Variants in SV2C observed in about 807,000 individuals in gnomAD.
The protein encoded by SV2C is solute carrier family 22 member B3.
In SV2C, 49 loss-of-function variants were observed where a neutral mutation model predicts 79.7. The ratio of observed to expected loss-of-function variants is 0.61; its 90% CI spans 0.49 to 0.78. The LOEUF (loss-of-function observed/expected upper bound fraction) is 0.78. SV2C is among the 30% of genes least tolerant of loss of function. The pLI is 0.00. For missense variants in SV2C, 833 were observed against 912.9 expected, an observed-to-expected ratio of 0.91 and a Z score of 1.13; for synonymous variants, 334 against 333.2, an observed-to-expected ratio of 1.00 and a Z score of -0.03.
the SV2C span, among the ~76,000 whole-genome samples, chr5:75,943,732 CTT>C: frequency 6.6e-6 from 1 of 152,268 alleles, no homozygotes; most frequent in East Asian, 1.9e-4. Flanking sequence ...TCTAGACAGT[CTT>C]TTCCCTCTCT....
At chr5:76,338,809 C>T (rs754729545), downstream of SV2C, among the ~76,000 whole-genome samples, 3 of 152,030 alleles carry the variant, frequency 2.0e-5, no homozygotes, top group Non-Finnish European at 2.9e-5. Context: ...AGGCACCTGC[C>T]ATTATGCTTG....
At chr5:76,182,544 A>G (rs903931448) in intron 2 of SV2C, among the ~76,000 whole-genome samples, 1 of 152,172 alleles carries the variant, frequency 6.6e-6, no homozygotes, top group Non-Finnish European at 1.5e-5. Context: ...TTCCAGGGTC[A>G]GTACTAGAAT....
the SV2C span, among the ~76,000 whole-genome samples, chr5:76,073,503 GTATATA>G: frequency 0.06 from 4,022 of 67,354 alleles, 110 homozygotes; most frequent in African/African-American, 0.079. Context: ...GTATGTGTGT[GTATATA>G]TATATATATA....
At chr5:76,085,712 A>G (rs1021479252) in intron 1 of SV2C, among the ~76,000 whole-genome samples, 1 of 152,120 alleles carries the variant, frequency 6.6e-6, no homozygotes, top group African/African-American at 2.4e-5. Context: ...AGCTTATACT[A>G]GCTCTTATGT....
the SV2C span, among the ~76,000 whole-genome samples, chr5:75,918,863 T>C: frequency 6.6e-6 from 1 of 152,220 alleles, no homozygotes; most frequent in Non-Finnish European, 1.5e-5. Context: ...TTTTTGTAAC[T>C]GGAAACAAAT....
chr5:75,883,708 GGATAGCATTGGGA>G, the SV2C span, among the ~76,000 whole-genome samples: 2 of 115,930 alleles, frequency 1.7e-5, no homozygotes, highest in Non-Finnish European at 3.5e-5. Context: ...GAGGGGGGAG[GGATAGCATTGGGA>G]GATATACCTA....
chr5:75,948,580 G>A, the SV2C span, among the ~76,000 whole-genome samples: 1,051 of 152,142 alleles, frequency 6.9e-3, 10 homozygotes, highest in African/African-American at 0.024. Flanking sequence ...TGGGGAAGTG[G>A]AAGGAGTGAT....
intron 4 of SV2C, among the ~76,000 whole-genome samples, chr5:76,273,378 A>C (rs2112477158): frequency 6.6e-6 from 1 of 152,126 alleles, no homozygotes; most frequent in East Asian, 1.9e-4. Context: ...GGGAAGCACC[A>C]TGCTTGAGTC....
intron 12 of SV2C, among the ~76,000 whole-genome samples, chr5:76,307,961 C>T (rs1748262360): frequency 6.6e-6 from 1 of 152,102 alleles, no homozygotes; most frequent in Admixed American, 6.6e-5. Flanking sequence ...TCATTGAAGC[C>T]TTATTATGGC....
the SV2C span, among the ~76,000 whole-genome samples, chr5:76,077,777 A>G: frequency 6.6e-6 from 1 of 152,228 alleles, no homozygotes; most frequent in African/African-American, 2.4e-5. Flanking sequence ...ACTGAAGGGG[A>G]GAAACAGGGA....
At chr5:75,912,527 AG>A in the SV2C span, among the ~76,000 whole-genome samples, 1 of 152,162 alleles carries the variant, frequency 6.6e-6, no homozygotes, top group Non-Finnish European at 1.5e-5. Flanking sequence ...TTATTGAAAT[AG>A]AAAACCCCCC....
chr5:76,008,423 G>C, the SV2C span, among the ~76,000 whole-genome samples: 5 of 152,062 alleles, frequency 3.3e-5, no homozygotes, highest in Non-Finnish European at 5.9e-5. Flanking sequence ...ATTCCAGGAA[G>C]GGTACACAGT....
chr5:76,133,270 C>G (rs953631483), intron 2 of SV2C, among the ~76,000 whole-genome samples: 2 of 152,196 alleles, frequency 1.3e-5, no homozygotes, highest in Non-Finnish European at 2.9e-5. Context: ...CATGTTAAAT[C>G]TTTATGTGTT....
At chr5:75,963,401 T>C in the SV2C span, among the ~76,000 whole-genome samples, 1 of 152,246 alleles carries the variant, frequency 6.6e-6, no homozygotes. Flanking sequence ...TCCCTTATGA[T>C]TCTGGTTTGT....
chr5:75,990,747 A>G, the SV2C span, among the ~76,000 whole-genome samples: 1 of 152,022 alleles, frequency 6.6e-6, no homozygotes, highest in South Asian at 2.1e-4. Context: ...TGGCACATGT[A>G]TACATATGTA....
chr5:76,209,998 C>G (rs1392511023), intron 4 of SV2C, 111 bp downstream of exon 4: 13 of 1,267,908 alleles, frequency 1.0e-5, no homozygotes, highest in East Asian at 2.5e-5. Flanking sequence ...TACTCATCAT[C>G]ATGTTTCTCC....
At chr5:75,946,293 C>A in the SV2C span, among the ~76,000 whole-genome samples, 1 of 152,150 alleles carries the variant, frequency 6.6e-6, no homozygotes, top group African/African-American at 2.4e-5. Flanking sequence ...TATGAATATC[C>A]AAATGTTTTA....
At chr5:76,118,255 T>G (rs1475816814) in intron 1 of SV2C, among the ~76,000 whole-genome samples, 1 of 152,214 alleles carries the variant, frequency 6.6e-6, no homozygotes, top group Admixed American at 6.5e-5. Context: ...TCACATGGTC[T>G]TCTCCTTTTG....
the SV2C span, among the ~76,000 whole-genome samples, chr5:75,864,291 C>T: frequency 6.6e-6 from 1 of 151,246 alleles, no homozygotes; most frequent in Non-Finnish European, 1.5e-5. Context: ...TTTTCCAAAC[C>T]ACTGCTTGTC....
Sources: gnomAD v4.1 joint callset for allele counts (sites outside exome capture counted in the v4.1 genomes callset) on GRCh38, gnomAD v4.1.1 for gene constraint, MANE v1.5 for transcripts, NCBI Gene and HGNC (gene_info 2026-07-23, HGNC 2026-07-21) for gene names.